Variants in AFAP1 observed in about 807,000 individuals in gnomAD.
The protein encoded by AFAP1 is actin filament-associated protein 1.
AFAP1 carries 75 observed loss-of-function variants against 93.9 expected under a neutral mutation model. That is an observed-to-expected ratio of 0.80 (90% CI 0.66 to 0.97). The LOEUF is 0.97. AFAP1 is among the 50% of genes least tolerant of loss of function. AFAP1 has a pLI of 0.00. For synonymous variants in AFAP1, 517 were observed against 430.7 expected (o/e 1.20, Z -2.48); for missense variants, 1,201 against 1,050.8 (o/e 1.14, Z -1.98).
intron 1 of AFAP1, among the ~76,000 whole-genome samples, chr4:7,900,930 C>T (rs1719079659): frequency 6.6e-6 from 1 of 152,204 alleles, no homozygotes; most frequent in Non-Finnish European, 1.5e-5. Flanking sequence ...CAGGCAAATT[C>T]ACTTCTCTTG....
intron 16 of AFAP1, 85 bp downstream of exon 16, chr4:7,772,735 G>T: frequency 7.4e-7 from 1 of 1,345,390 alleles, no homozygotes; most frequent in Non-Finnish European, 1.0e-6. Flanking sequence ...ACGCCCCAGA[G>T]CCACTCCACA....
chr4:7,863,113 A>T (rs1024624099), intron 3 of AFAP1, among the ~76,000 whole-genome samples: 3 of 152,180 alleles, frequency 2.0e-5, no homozygotes, highest in South Asian at 2.1e-4. Context: ...CCCTTGAAAC[A>T]AAGAGAACAA....
chr4:7,813,564 C>A (rs1364895178), intron 8 of AFAP1, among the ~76,000 whole-genome samples: 1 of 152,216 alleles, frequency 6.6e-6, no homozygotes, highest in East Asian at 1.9e-4. Context: ...ACCAAACCAA[C>A]GTCTGCTGTG....
chr4:7,821,199 C>T (rs955802975), intron 6 of AFAP1, among the ~76,000 whole-genome samples: 1 of 152,154 alleles, frequency 6.6e-6, no homozygotes, highest in Admixed American at 6.5e-5. Flanking sequence ...GCTTCAGTTT[C>T]CTCCCCAGCG....
intron 1 of AFAP1, among the ~76,000 whole-genome samples, chr4:7,908,880 C>T (rs1010424895): frequency 6.6e-5 from 10 of 152,124 alleles, no homozygotes; most frequent in African/African-American, 2.4e-4. Context: ...CAGAAGTCAC[C>T]ATAAAGGTGC....
intron 11 of AFAP1, among the ~76,000 whole-genome samples, chr4:7,789,904 T>G (rs1389627799): frequency 3.3e-5 from 5 of 152,376 alleles, no homozygotes; most frequent in Admixed American, 2.6e-4. Flanking sequence ...GTATAATTTA[T>G]GTATCTCATT....
At chr4:7,932,457 C>G (rs1318369479) in intron 1 of AFAP1, among the ~76,000 whole-genome samples, 1 of 152,194 alleles carries the variant, frequency 6.6e-6, no homozygotes, top group African/African-American at 2.4e-5. Flanking sequence ...CAGCTGTTTC[C>G]ATTCTAGAAA....
intron 13 of AFAP1, 28 bp downstream of exon 13, chr4:7,781,348 T>C (rs1037641601): frequency 3.2e-6 from 5 of 1,549,328 alleles, no homozygotes; most frequent in South Asian, 1.2e-5. Context: ...AAGGTGGTTC[T>C]AGAATCTTAC....
intron 1 of AFAP1, among the ~76,000 whole-genome samples, chr4:7,927,391 T>C (rs1480943795): frequency 6.6e-6 from 1 of 152,206 alleles, no homozygotes; most frequent in African/African-American, 2.4e-5. Context: ...GTTCAGTTTC[T>C]TCGCTGTAAA....
chr4:7,796,088 C>T (rs141466514), intron 10 of AFAP1, among the ~76,000 whole-genome samples: 1 of 152,270 alleles, frequency 6.6e-6, no homozygotes, highest in Admixed American at 6.5e-5. Context: ...CACATCCACA[C>T]ATCTGTTTCT....
intron 8 of AFAP1, among the ~76,000 whole-genome samples, chr4:7,811,332 G>A: frequency 6.7e-6 from 1 of 148,838 alleles, no homozygotes; most frequent in Non-Finnish European, 1.5e-5. Flanking sequence ...AGGAACAAAT[G>A]AACCCACACA....
intron 6 of AFAP1, among the ~76,000 whole-genome samples, chr4:7,826,494 C>T (rs1303944877): frequency 1.3e-5 from 2 of 152,238 alleles, no homozygotes; most frequent in Non-Finnish European, 2.9e-5. Flanking sequence ...AGAGGCAAGA[C>T]TGCAGAGAAA....
intron 11 of AFAP1, among the ~76,000 whole-genome samples, chr4:7,788,026 CG>C (rs1717479108): frequency 6.6e-6 from 1 of 152,232 alleles, no homozygotes; most frequent in Admixed American, 6.5e-5. Context: ...CCAGGGCAAC[CG>C]CCCTGCATCT....
intron 1 of AFAP1, among the ~76,000 whole-genome samples, chr4:7,901,905 T>C (rs1719135127): frequency 6.6e-6 from 1 of 152,226 alleles, no homozygotes; most frequent in South Asian, 2.1e-4. Context: ...GCTCACATCT[T>C]CCTATAAAGT....
intron 1 of AFAP1, among the ~76,000 whole-genome samples, chr4:7,928,125 C>G (rs547067718): frequency 1.3e-5 from 2 of 152,164 alleles, no homozygotes; most frequent in Admixed American, 6.6e-5. Context: ...GTGTTCCTCA[C>G]GTAATAGCAA....
At chr4:7,780,642 T>C (rs1261010103) in intron 13 of AFAP1, among the ~76,000 whole-genome samples, 6 of 141,820 alleles carry the variant, frequency 4.2e-5, no homozygotes, top group Non-Finnish European at 6.1e-5. Flanking sequence ...TGAGACTTCA[T>C]CTTTTTTTTT....
At chr4:7,866,207 T>G (rs987857278) in intron 3 of AFAP1, among the ~76,000 whole-genome samples, 47 of 65,372 alleles carry the variant, frequency 7.2e-4, no homozygotes, top group African/African-American at 2.7e-3. Flanking sequence ...GGTTTTTTGT[T>G]TTTTTTTGAG....
In AFAP1 at chr4:7,872,069, A is replaced by C; in HGVS notation, c.10T>G (p.Leu4Val). The change falls in exon 2 of 18, where the codon TTA becomes GTA. Residue 4 changes from leucine (L) to valine (V), a missense_variant. By Grantham distance (32) the Leu-to-Val change is conservative (BLOSUM62 1). Transcript: ENST00000420658. MEELIVELRLFLEL... is the reference protein window; with the variant it reads MEEVIVELRLFLEL... ...AGAAAGAGACGAAGTTCAACTATTA[A>C]CTCTTCCATTGCTGACAACAAAAGA... The C allele has an allele frequency of 6.2e-7, 1 of 1,613,822 alleles. No individual in the cohort carries two copies. The highest frequency in any genetic ancestry group is 8.5e-7 in the Non-Finnish European group (1 of 1,179,912).
chr4:7,874,356 CTTTTTTTTTTTTT>C (rs869214535), intron 1 of AFAP1, among the ~76,000 whole-genome samples: 2 of 92,440 alleles, frequency 2.2e-5, no homozygotes, highest in South Asian at 4.0e-4. Flanking sequence ...TTGCCTTTTT[CTTTTTTTTTTTTT>C]TTTTTTTTTT....
Sources: allele counts gnomAD v4.1 joint callset (sites outside exome capture counted in the v4.1 genomes callset), GRCh38; gene constraint gnomAD v4.1.1; transcripts MANE v1.5; gene names NCBI Gene and HGNC (gene_info 2026-07-23, HGNC 2026-07-21).